Variants in SCFD1 observed in about 807,000 individuals in gnomAD.
SCFD1 encodes sec1 family domain containing 1, also known as sec1 family domain-containing protein 1.
A neutral mutation model predicts 103.2 loss-of-function variants in SCFD1; 37 were observed. That is an observed-to-expected ratio of 0.36 (90% CI 0.28 to 0.47). The LOEUF is 0.47. Among genes scored for constraint, SCFD1 ranks in the 20% least tolerant of loss-of-function variants. The pLI is 1.00. For synonymous variants in SCFD1, 264 were observed against 245.0 expected (o/e 1.08, Z -0.73); for missense variants, 639 against 761.2 (o/e 0.84, Z 1.89).
chr14:30,632,046 GAAA>G (rs61645782), intron 3 of SCFD1, among the ~76,000 whole-genome samples: 12,082 of 69,322 alleles, frequency 0.17, 649 homozygotes, highest in African/African-American at 0.32. Flanking sequence ...AGATTCTGTT[GAAA>G]AAAAAAAAAA....
intron 14 of SCFD1, among the ~76,000 whole-genome samples, chr14:30,684,126 A>G (rs562989269): frequency 3.9e-5 from 6 of 152,306 alleles, no homozygotes; most frequent in Middle Eastern, 3.4e-3. Flanking sequence ...TCGTCTGGCA[A>G]ATGTCCCAGG....
chr14:30,714,203 A>AC (rs1892101670), intron 19 of SCFD1, among the ~76,000 whole-genome samples: 1 of 150,694 alleles, frequency 6.6e-6, no homozygotes, highest in Admixed American at 6.6e-5. Flanking sequence ...AAAAAAAAAA[A>AC]ATTAGCCGGG....
intron 23 of SCFD1, among the ~76,000 whole-genome samples, chr14:30,731,325 G>A (rs1029160466): frequency 1.3e-5 from 2 of 152,196 alleles, no homozygotes; most frequent in Non-Finnish European, 2.9e-5. Flanking sequence ...GATTGACTTG[G>A]CAATGCAGGC....
intron 4 of SCFD1, among the ~76,000 whole-genome samples, chr14:30,637,008 T>A (rs1884791326): frequency 6.6e-6 from 1 of 152,062 alleles, no homozygotes; most frequent in African/African-American, 2.4e-5. Context: ...AGCCCAGGAT[T>A]CAGACATTTT....
chr14:30,658,864 C>G (rs1887164628), intron 10 of SCFD1, among the ~76,000 whole-genome samples: 1 of 152,124 alleles, frequency 6.6e-6, no homozygotes. Context: ...TAACACAAAA[C>G]CTCTTGGTCA....
chr14:30,652,090 A>G (rs1354299598), intron 9 of SCFD1, among the ~76,000 whole-genome samples: 1 of 152,180 alleles, frequency 6.6e-6, no homozygotes, highest in Non-Finnish European at 1.5e-5. Context: ...GTAGATCGCA[A>G]GGGTGCCACT....
chr14:30,650,097 C>T (rs1886255241), intron 8 of SCFD1, among the ~76,000 whole-genome samples: 1 of 152,172 alleles, frequency 6.6e-6, no homozygotes, highest in East Asian at 1.9e-4. Flanking sequence ...TATTTTGGAA[C>T]TTTATTAGCC....
At chr14:30,708,640 A>C (rs2139367283) in intron 19 of SCFD1, among the ~76,000 whole-genome samples, 1 of 152,164 alleles carries the variant, frequency 6.6e-6, no homozygotes, top group African/African-American at 2.4e-5. Context: ...CCTATTTAGA[A>C]TAGTGAACTG....
chr14:30,712,016 A>T (rs1430510544), intron 19 of SCFD1, among the ~76,000 whole-genome samples: 1 of 147,100 alleles, frequency 6.8e-6, no homozygotes, highest in African/African-American at 2.4e-5. Flanking sequence ...TTTTAAACTC[A>T]TCTGTAAGAT....
rs574171449 is a variant in SCFD1 at position 30,670,363 on chromosome 14, G to A, written c.963G>A (p.Pro321=). The A allele has an allele frequency of 1.9e-5, 30 of 1,570,790 alleles. No individual in the cohort carries two copies. The highest frequency in any genetic ancestry group is 1.8e-4 in the East Asian group (8 of 43,520). ...ACAAGAAGTCTTATGATTTAACTCC[G>A]GTTGATAAATTTTGGCAAAAACATA... ...RKNKKSYDLT[P]VDKFWQKHKG... The change falls in exon 11 of 25, where the codon CCG becomes CCA. Residue 321 remains proline (P), a synonymous_variant. Transcript: ENST00000458591.
chr14:30,703,923 AT>A (rs1233640975), intron 17 of SCFD1, among the ~76,000 whole-genome samples: 11 of 41,908 alleles, frequency 2.6e-4, no homozygotes, highest in East Asian at 1.8e-3. Flanking sequence ...ATATATATAT[AT>A]ATATATATAT....
At chr14:30,650,466 T>G in intron 8 of SCFD1, 99 bp from the exon 9 acceptor site, 1 of 706,050 alleles carries the variant, frequency 1.4e-6, no homozygotes, top group Non-Finnish European at 2.5e-6. Context: ...GTAAAGAAAT[T>G]CCAGGTTTCT....
chr14:30,674,666 A>G (rs1888872701), intron 13 of SCFD1, among the ~76,000 whole-genome samples: 1 of 152,044 alleles, frequency 6.6e-6, no homozygotes, highest in Non-Finnish European at 1.5e-5. Flanking sequence ...GAGGGAGGAA[A>G]TGTGTTTTAG....
intron 10 of SCFD1, among the ~76,000 whole-genome samples, chr14:30,658,618 C>T (rs1374328963): frequency 6.6e-6 from 1 of 152,070 alleles, no homozygotes; most frequent in Non-Finnish European, 1.5e-5. Flanking sequence ...CTCTAGAATT[C>T]CTGACCTCAG....
chr14:30,667,610 C>T (rs1888117257), intron 10 of SCFD1, among the ~76,000 whole-genome samples: 1 of 152,126 alleles, frequency 6.6e-6, no homozygotes, highest in Non-Finnish European at 1.5e-5. Flanking sequence ...AAGAGGAAGT[C>T]AAATTGTCCC....
chr14:30,680,014 T>C (rs1002673742), intron 14 of SCFD1, among the ~76,000 whole-genome samples: 1 of 152,320 alleles, frequency 6.6e-6, no homozygotes, highest in South Asian at 2.1e-4. Flanking sequence ...TGTTTTTTAT[T>C]GCAAGTATGA....
chr14:30,653,473 A>T lies in SCFD1; in HGVS notation c.756-16A>T. The T allele has an allele frequency of 6.5e-7, 1 of 1,535,872 alleles. No individual in the cohort carries two copies. ...GTATCAAGAGTTATGTAATTTTTTT[A>T]TATGTATATTTACAGCTTCCAGAGG... On this transcript the variant is annotated splice_polypyrimidine_tract_variant and intron_variant, in intron 9 of 24. Transcript: ENST00000458591.
rs1279873978 is a variant in SCFD1, at chr14:30,673,909, T to G, written c.1087-15T>G. The G allele has an allele frequency of 6.3e-7, 1 of 1,599,964 alleles. No individual in the cohort carries two copies. The highest frequency in any genetic ancestry group is 8.6e-7 in the Non-Finnish European group (1 of 1,167,704). ...GGATTTTTGAGTAGCTATTGAGACC[T>G]TTTTTCTTTACAAGGGACTAGAAGG... On this transcript the variant is annotated splice_polypyrimidine_tract_variant and intron_variant, in intron 12 of 24. Transcript: ENST00000458591.
intron 7 of SCFD1, among the ~76,000 whole-genome samples, chr14:30,643,721 G>C (rs554025474): frequency 3.9e-5 from 6 of 152,216 alleles, no homozygotes; most frequent in African/African-American, 1.4e-4. Context: ...ATTTCATTAT[G>C]AAAAATTTCA....
Sources: allele counts gnomAD v4.1 joint callset (sites outside exome capture counted in the v4.1 genomes callset), GRCh38; gene constraint gnomAD v4.1.1; transcripts MANE v1.5; gene names NCBI Gene and HGNC (gene_info 2026-07-23, HGNC 2026-07-21).